NRG1: variants seen among roughly 807,000 people sequenced by gnomAD.
NRG1 encodes pro-neuregulin-1, membrane-bound isoform.
Under a neutral mutation model 63.8 loss-of-function variants are expected in NRG1, and 18 were observed. The ratio of observed to expected loss-of-function variants is 0.28; its 90% CI spans 0.19 to 0.42. The LOEUF (loss-of-function observed/expected upper bound fraction) is 0.42. NRG1 is among the 10% of genes least tolerant of loss of function. NRG1 has a pLI of 1.00. For synonymous variants in NRG1, 302 were observed against 301.3 expected (o/e 1.00, Z -0.02); for missense variants, 762 against 814.7 (o/e 0.94, Z 0.79).
intron 1 of NRG1, among the ~76,000 whole-genome samples, chr8:32,523,921 C>T (rs1830568310): frequency 6.6e-6 from 1 of 152,086 alleles, no homozygotes; most frequent in African/African-American, 2.4e-5. Context: ...TCCGTGATTG[C>T]TTTTCCTCAC....
intron 1 of NRG1, among the ~76,000 whole-genome samples, chr8:32,149,638 C>T (rs1451724108): frequency 6.6e-6 from 1 of 152,178 alleles, no homozygotes; most frequent in African/African-American, 2.4e-5. Flanking sequence ...CCAGGAGACA[C>T]TCAGAATATA....
At chr8:31,795,028 C>T (rs1346103231) in intron 1 of NRG1, among the ~76,000 whole-genome samples, 1 of 152,124 alleles carries the variant, frequency 6.6e-6, no homozygotes. Flanking sequence ...GTCTCAAATT[C>T]CTGACCTCAA....
intron 1 of NRG1, among the ~76,000 whole-genome samples, chr8:32,590,951 G>T (rs894467563): frequency 3.9e-5 from 6 of 152,250 alleles, no homozygotes; most frequent in Non-Finnish European, 8.8e-5. Context: ...ACAAAAAAAG[G>T]TTTAAAATTT....
chr8:32,481,506 C>T (rs1825281404), intron 1 of NRG1, among the ~76,000 whole-genome samples: 1 of 152,202 alleles, frequency 6.6e-6, no homozygotes, highest in African/African-American at 2.4e-5. Flanking sequence ...TATCATGGTC[C>T]ATAGATAATA....
At chr8:32,647,702 T>C in intron 5 of NRG1, 1 of 1,537,820 alleles carries the variant, frequency 6.5e-7, no homozygotes, top group Non-Finnish European at 8.7e-7. Flanking sequence ...CCAGGCCTTC[T>C]TCTGGAGGTG....
At chr8:31,758,326 T>C (rs894965465) in intron 1 of NRG1, among the ~76,000 whole-genome samples, 53 of 152,266 alleles carry the variant, frequency 3.5e-4, no homozygotes, top group Middle Eastern at 3.4e-3. Flanking sequence ...TTTCTGTTCC[T>C]GTGTTAGTTT....
At chr8:32,083,438 T>C (rs942318792) in intron 1 of NRG1, among the ~76,000 whole-genome samples, 3 of 152,104 alleles carry the variant, frequency 2.0e-5, no homozygotes, top group Non-Finnish European at 2.9e-5. Flanking sequence ...GTGGGACATA[T>C]CAATACAATA....
In NRG1 at chr8:31,742,110, A is replaced by C. The variant is rs116538633; in HGVS notation, c.37+102679A>C. On this transcript the variant is annotated intron_variant, in intron 1 of 10. Coordinates refer to the NRG1 transcript ENST00000519301. Reference sequence around the variant, plus strand: ...TGCAAGAAGCAGAAAAGACCATAGAAATTATTCCATTTCTGTAAGGTCAAA... The same window carrying C: ...TGCAAGAAGCAGAAAAGACCATAGACATTATTCCATTTCTGTAAGGTCAAA... 4.5e-3 allele frequency among the ~76,000 whole-genome samples: 688 copies of C among 152,102 alleles called. 9 individuals carry two copies. Among genetic ancestry groups the C allele is most frequent in the African/African-American group, 0.016 (647 of 41,530 alleles).
chr8:31,666,177 G>A (rs34545501), intron 1 of NRG1, among the ~76,000 whole-genome samples: 5,767 of 152,216 alleles, frequency 0.038, 181 homozygotes, highest in Admixed American at 0.1. Flanking sequence ...ATTTCTGAGC[G>A]GCTTTAAAGA....
intron 1 of NRG1, among the ~76,000 whole-genome samples, chr8:31,921,795 A>G (rs1833943771): frequency 6.6e-6 from 1 of 152,300 alleles, no homozygotes; most frequent in East Asian, 1.9e-4. Flanking sequence ...ATTTTGTGGT[A>G]TTGGTTGCAA....
At position 31,712,781 on chromosome 8, in the gene NRG1, G is replaced by T. The variant is rs535221532; in HGVS notation, c.37+73350G>T. ...AATACTGAATGAATTGGGTCTTCATGCCTTAGGTATATTAGCAGAGGTGTT... is the reference window on the plus strand; with the variant it reads ...AATACTGAATGAATTGGGTCTTCATTCCTTAGGTATATTAGCAGAGGTGTT... On this transcript the variant is annotated intron_variant, in intron 1 of 10. Transcript: ENST00000519301. 3.9e-5 allele frequency among the ~76,000 whole-genome samples: 6 copies of T among 152,070 alleles called. No homozygotes were observed. In the South Asian group the frequency reaches 1.0e-3, roughly 26 times the overall value.
At chr8:32,722,628 T>C (rs1275001562) in intron 5 of NRG1, among the ~76,000 whole-genome samples, 5 of 152,244 alleles carry the variant, frequency 3.3e-5, no homozygotes, top group Admixed American at 1.3e-4. Context: ...CTACATGCTA[T>C]GGATATGACA....
intron 1 of NRG1, among the ~76,000 whole-genome samples, chr8:31,724,972 G>T (rs1173138326): frequency 6.6e-6 from 1 of 152,188 alleles, no homozygotes; most frequent in African/African-American, 2.4e-5. Context: ...TCCATAGATA[G>T]TACATAAACA....
intron 1 of NRG1, among the ~76,000 whole-genome samples, chr8:31,932,881 T>C (rs1834979537): frequency 6.6e-6 from 1 of 152,162 alleles, no homozygotes; most frequent in Non-Finnish European, 1.5e-5. Context: ...AATCACTTGT[T>C]TATGTGTAGT....
At chr8:32,253,074 A>T (rs1267589073) in intron 1 of NRG1, among the ~76,000 whole-genome samples, 1 of 152,192 alleles carries the variant, frequency 6.6e-6, no homozygotes, top group Non-Finnish European at 1.5e-5. Context: ...GAAATTGCTT[A>T]TCATTTTAAG....
intron 1 of NRG1, among the ~76,000 whole-genome samples, chr8:32,312,084 C>T (rs1856861729): frequency 1.3e-5 from 2 of 151,650 alleles, no homozygotes; most frequent in Admixed American, 6.6e-5. Flanking sequence ...AACTGCGGTA[C>T]CTTCTAAAGC....
At chr8:31,901,128 T>A (rs903162917) in intron 1 of NRG1, among the ~76,000 whole-genome samples, 2 of 152,204 alleles carry the variant, frequency 1.3e-5, no homozygotes, top group African/African-American at 4.8e-5. Context: ...ATCATGAAGA[T>A]GAACATTTAT....
At position 32,467,913 on chromosome 8, in the gene NRG1, A is replaced by G. The variant is rs72612109; in HGVS notation, c.38-127915A>G. Among the ~76,000 whole-genome samples, 8,641 of 152,258 alleles carry G rather than the reference A, an allele frequency of 0.057. 1,181 individuals are homozygous for G. In the East Asian group the frequency reaches 0.62, roughly 11 times the overall value. On this transcript the variant is annotated intron_variant, in intron 1 of 10. Coordinates refer to the NRG1 transcript ENST00000519301. ...TCTTTGTGTGAAATTCCTAGTGCAC[A>G]GAGCTTCTGCAGTGCCTCTTAGGTA...
chr8:32,493,619 G>A (rs10093464), intron 1 of NRG1, among the ~76,000 whole-genome samples: 94,778 of 152,018 alleles, frequency 0.62, 29,787 homozygotes, highest in East Asian at 0.79. Flanking sequence ...CGTGCTAATT[G>A]TCATCCTTCA....
Sources: allele counts gnomAD v4.1 joint callset (sites outside exome capture counted in the v4.1 genomes callset), GRCh38; gene constraint gnomAD v4.1.1; transcripts MANE v1.5; gene names NCBI Gene and HGNC (gene_info 2026-07-23, HGNC 2026-07-21).